Variants in YBEY observed in about 807,000 individuals in gnomAD.
YBEY encodes the protein ybeY metalloendoribonuclease.
A neutral mutation model predicts 13.5 loss-of-function variants in YBEY; 15 were observed. The ratio of observed to expected loss-of-function variants is 1.11; its 90% CI spans 0.75 to 1.72. The LOEUF is 1.72. YBEY is among the 40% of genes most tolerant of loss of function. YBEY has a pLI of 0.00. For missense variants in YBEY, 244 were observed against 208.4 expected, an observed-to-expected ratio of 1.17 and a Z score of -1.05; for synonymous variants, 101 against 83.1, an observed-to-expected ratio of 1.21 and a Z score of -1.17.
At chr21:46,299,503 G>A (rs376098726), downstream of YBEY, among the ~76,000 whole-genome samples, 147 of 152,126 alleles carry the variant, frequency 9.7e-4, no homozygotes, top group African/African-American at 2.5e-3. Context: ...GAGCAGGTCC[G>A]TCCTCATCCT....
the YBEY span, among the ~76,000 whole-genome samples, chr21:46,308,258 C>T: frequency 2.6e-5 from 4 of 152,086 alleles, no homozygotes; most frequent in Admixed American, 6.6e-5. Flanking sequence ...GTCAGGAGTT[C>T]GAGACCAGCC....
chr21:46,305,553 CTCCTAGGCTCAAGTGA>C, the YBEY span, among the ~76,000 whole-genome samples: 1 of 152,078 alleles, frequency 6.6e-6, no homozygotes, highest in African/African-American at 2.4e-5. Flanking sequence ...TGGTCTTGAA[CTCCTAGGCTCAAGTGA>C]TCCTCCCATA....
chr21:46,304,314 G>A, the YBEY span, among the ~76,000 whole-genome samples: 22 of 152,120 alleles, frequency 1.4e-4, no homozygotes, highest in African/African-American at 5.3e-4. Flanking sequence ...ACAGGCGTGA[G>A]CCACTGCGCC....
chr21:46,294,030 A>G (rs1346552975), intron 3 of YBEY, among the ~76,000 whole-genome samples: 3 of 24,952 alleles, frequency 1.2e-4, no homozygotes, highest in Non-Finnish European at 8.1e-5. Flanking sequence ...CAGTGGAGTC[A>G]GCCACACAAG....
At chr21:46,294,687 A>G (rs71326311) in intron 3 of YBEY, among the ~76,000 whole-genome samples, 30,454 of 48,414 alleles carry the variant, frequency 0.63, 11,866 homozygotes, top group Non-Finnish European at 0.79. Context: ...CCCGGGACTC[A>G]GTGGAGTCAG....
At chr21:46,312,475 C>A in the YBEY span, among the ~76,000 whole-genome samples, 1 of 152,060 alleles carries the variant, frequency 6.6e-6, no homozygotes, top group African/African-American at 2.4e-5. Flanking sequence ...CCTGCCACCA[C>A]GCCCGGCTAA....
intron 4 of YBEY, 22 bp from the exon 5 acceptor site, chr21:46,297,517 C>A: frequency 7.3e-7 from 1 of 1,362,156 alleles, no homozygotes; most frequent in Admixed American, 3.4e-5. Flanking sequence ...TGGGGAGGGC[C>A]AGCGCGCTTC....
chr21:46,297,744 T>C lies in YBEY; in HGVS notation c.*110T>C. ...ACGTACGAGGGGAACCTCCTCTTAT[T>C]TCCTTCACGTTGCATCGGGTATTTT... On this transcript the variant is annotated 3_prime_UTR_variant, in exon 5 of 5. Transcript: ENST00000397701. The C allele has an allele frequency of 8.0e-7, 1 of 1,246,740 alleles. No individual in the cohort carries two copies. The allele number at this position is 1,246,740 out of a possible 1,614,324, so 77.2% of individuals were successfully genotyped here.
At chr21:46,309,909 T>C in the YBEY span, among the ~76,000 whole-genome samples, 20 of 151,768 alleles carry the variant, frequency 1.3e-4, no homozygotes, top group Admixed American at 2.6e-4. Context: ...AGGCAGAGAA[T>C]TGCTTAAACC....
At position 46,287,574 on chromosome 21, in the gene YBEY, T is replaced by G. The variant is rs138325974; in HGVS notation, c.210+451T>G. Among the ~76,000 whole-genome samples the G allele has an allele frequency of 8.6e-3, 1,303 of 152,294 alleles. 34 individuals are homozygous for G. The highest frequency in any genetic ancestry group is 0.045 in the East Asian group (232 of 5,164). ...TAAGTATATATGTTACAGACATGATTTTTAATTTTAATTTTGAAAATTTTC... is the reference window on the plus strand; with the variant it reads ...TAAGTATATATGTTACAGACATGATGTTTAATTTTAATTTTGAAAATTTTC... On this transcript the variant is annotated intron_variant, in intron 2 of 4. Transcript: ENST00000397701.
chr21:46,301,784 G>C (rs952880137), downstream of YBEY: 1 of 1,239,268 alleles, frequency 8.1e-7, no homozygotes, highest in Non-Finnish European at 1.0e-6. Flanking sequence ...CACTGCAGGG[G>C]ACCCGGAGCA....
At chr21:46,298,882 G>A (rs112591243), downstream of YBEY, among the ~76,000 whole-genome samples, 12,171 of 151,542 alleles carry the variant, frequency 0.08, 536 homozygotes, top group African/African-American at 0.097. Context: ...GCACCACTAC[G>A]CCCAGCTAAT....
chr21:46,301,999 T>G (rs760787318), downstream of YBEY: 88 of 1,526,500 alleles, frequency 5.8e-5, no homozygotes, highest in Admixed American at 2.6e-4. Context: ...TGACTCACAC[T>G]CAGGGTGGGC....
chr21:46,294,406 A>G (rs372250761), intron 3 of YBEY, among the ~76,000 whole-genome samples: 202 of 50,238 alleles, frequency 4.0e-3, no homozygotes, highest in Middle Eastern at 0.011. Context: ...GGACAGCCAC[A>G]CAAGTTAAAC....
chr21:46,289,625 T>A (rs1299176128), intron 2 of YBEY, among the ~76,000 whole-genome samples: 2 of 151,434 alleles, frequency 1.3e-5, no homozygotes, highest in African/African-American at 2.4e-5. Flanking sequence ...TTTTTTTTTT[T>A]GTATTTTTAG....
At chr21:46,292,793 GATTAA>G (rs1417447343) in intron 3 of YBEY, among the ~76,000 whole-genome samples, 1 of 134,536 alleles carries the variant, frequency 7.4e-6, no homozygotes, top group African/African-American at 2.6e-5. Context: ...TTAAACTCTA[GATTAA>G]ATTCCTCCCG....
downstream of YBEY, chr21:46,301,201 G>T: frequency 3.9e-6 from 2 of 511,874 alleles, no homozygotes; most frequent in Non-Finnish European, 5.0e-6. Flanking sequence ...TAGTGCAGTG[G>T]TTCCATCAGA....
At chr21:46,302,304 A>C (rs566068615), downstream of YBEY, 8 of 1,340,548 alleles carry the variant, frequency 6.0e-6, no homozygotes, top group African/African-American at 1.0e-4. Context: ...CCCCCGCCCC[A>C]AATTGTGCAA....
At chr21:46,302,154 C>G, downstream of YBEY, 3 of 1,482,564 alleles carry the variant, frequency 2.0e-6, no homozygotes, top group Non-Finnish European at 2.7e-6. Context: ...TGTGGCGGGT[C>G]CTGCCACAGA....
Sources: allele counts gnomAD v4.1 joint callset (sites outside exome capture counted in the v4.1 genomes callset), GRCh38; gene constraint gnomAD v4.1.1; transcripts MANE v1.5; gene names NCBI Gene and HGNC (gene_info 2026-07-23, HGNC 2026-07-21).